ZC3H12B: variants seen among roughly 807,000 people sequenced by gnomAD.
The protein encoded by ZC3H12B is probable ribonuclease ZC3H12B.
In ZC3H12B, 7 loss-of-function variants were observed where a neutral mutation model predicts 43.9. That is an observed-to-expected ratio of 0.16 (90% CI 0.09 to 0.30). The LOEUF is 0.30. Among genes scored for constraint, ZC3H12B ranks in the 10% least tolerant of loss-of-function variants. The pLI, the probability that ZC3H12B is intolerant of heterozygous loss-of-function variation, is 1.00. For missense variants in ZC3H12B, 475 were observed against 670.2 expected, an observed-to-expected ratio of 0.71 and a Z score of 3.22; for synonymous variants, 222 against 241.7, an observed-to-expected ratio of 0.92 and a Z score of 0.76.
chrX:65,117,363 G>C, the ZC3H12B span, among the ~76,000 whole-genome samples: 1 of 111,996 alleles, frequency 8.9e-6, no homozygotes. Context: ...GTCTTCTTTT[G>C]AGAATTGTCT....
At chrX:65,100,880 C>T in the ZC3H12B span, among the ~76,000 whole-genome samples, 1 of 111,549 alleles carries the variant, frequency 9.0e-6, no homozygotes, top group South Asian at 3.8e-4. Context: ...GAACTCAGCT[C>T]TGGACTAAGC....
chrX:65,068,490 G>A, the ZC3H12B span, among the ~76,000 whole-genome samples: 1 of 111,375 alleles, frequency 9.0e-6, no homozygotes, highest in African/African-American at 3.3e-5. Context: ...AAGCAAAAAG[G>A]AAACTAACAA....
At chrX:65,158,876 A>C in the ZC3H12B span, among the ~76,000 whole-genome samples, 1 of 111,686 alleles carries the variant, frequency 9.0e-6, no homozygotes, top group Non-Finnish European at 1.9e-5. Context: ...GTAATGCCTA[A>C]GTTTTCTTCT....
chrX:65,336,174 C>A, the ZC3H12B span, among the ~76,000 whole-genome samples: 8 of 112,514 alleles, frequency 7.1e-5, no homozygotes, highest in Non-Finnish European at 1.1e-4. Flanking sequence ...TAAAACTGTA[C>A]AGAGGAGATA....
chrX:65,045,867 T>C, the ZC3H12B span, among the ~76,000 whole-genome samples: 1 of 112,011 alleles, frequency 8.9e-6, no homozygotes, highest in Non-Finnish European at 1.9e-5. Context: ...AGAAGGGATG[T>C]TATGTTATCA....
chrX:65,421,193 G>A (rs901283460), intron 3 of ZC3H12B, among the ~76,000 whole-genome samples: 13 of 112,548 alleles, frequency 1.2e-4, no homozygotes, highest in African/African-American at 4.2e-4. Flanking sequence ...GTCAGACTGA[G>A]GGAAATAAAT....
the ZC3H12B span, among the ~76,000 whole-genome samples, chrX:65,176,599 C>T: frequency 8.9e-6 from 1 of 111,750 alleles, no homozygotes; most frequent in Non-Finnish European, 1.9e-5. Context: ...GAGGGGATAA[C>T]ACCGCTGATC....
At chrX:65,117,221 GT>G in the ZC3H12B span, among the ~76,000 whole-genome samples, 1 of 111,764 alleles carries the variant, frequency 8.9e-6, no homozygotes, top group Non-Finnish European at 1.9e-5. Flanking sequence ...TCCCGCACCT[GT>G]TGTTTCCTGA....
chrX:65,229,304 A>G, the ZC3H12B span, among the ~76,000 whole-genome samples: 2 of 112,059 alleles, frequency 1.8e-5, no homozygotes, highest in Non-Finnish European at 3.8e-5. Flanking sequence ...GATTTACTAA[A>G]TGGTGCTGGG....
At chrX:65,316,434 A>G in the ZC3H12B span, among the ~76,000 whole-genome samples, 8 of 112,181 alleles carry the variant, frequency 7.1e-5, no homozygotes, top group African/African-American at 2.6e-4. Context: ...AGTTTACAGC[A>G]TTAGGCTAAC....
the ZC3H12B span, among the ~76,000 whole-genome samples, chrX:65,070,188 G>A: frequency 9.0e-6 from 1 of 111,052 alleles, no homozygotes; most frequent in African/African-American, 3.3e-5. Context: ...TATGTGTTCA[G>A]TAATTTATCG....
At chrX:65,082,966 C>T in the ZC3H12B span, among the ~76,000 whole-genome samples, 2 of 109,424 alleles carry the variant, frequency 1.8e-5, no homozygotes, top group African/African-American at 6.6e-5. Flanking sequence ...ACATGTCAAT[C>T]AATGATGTAC....
chrX:65,080,266 C>T, the ZC3H12B span, among the ~76,000 whole-genome samples: 1 of 106,516 alleles, frequency 9.4e-6, no homozygotes, highest in Non-Finnish European at 1.9e-5. Context: ...AGCTATTGAC[C>T]TTAACGAAGA....
chrX:65,070,368 G>A, the ZC3H12B span, among the ~76,000 whole-genome samples: 1 of 109,673 alleles, frequency 9.1e-6, no homozygotes, highest in African/African-American at 3.3e-5. Context: ...GGTCGGTCTA[G>A]TTTTTTCAAC....
At chrX:65,238,626 T>C in the ZC3H12B span, among the ~76,000 whole-genome samples, 132 of 111,976 alleles carry the variant, frequency 1.2e-3, 4 homozygotes, top group East Asian at 0.028. Flanking sequence ...TGTCTTCTGC[T>C]ACCTTTGGGG....
chrX:65,049,602 T>G, the ZC3H12B span, among the ~76,000 whole-genome samples: 1 of 111,420 alleles, frequency 9.0e-6, no homozygotes, highest in African/African-American at 3.3e-5. Flanking sequence ...AATCTTGGAG[T>G]GTGAGGTCTC....
chrX:65,079,503 C>T, the ZC3H12B span, among the ~76,000 whole-genome samples: 1 of 112,421 alleles, frequency 8.9e-6, no homozygotes, highest in Non-Finnish European at 1.9e-5. Flanking sequence ...GTCACTCTAC[C>T]CCCACCTATA....
At chrX:65,228,002 A>T in the ZC3H12B span, among the ~76,000 whole-genome samples, 1 of 111,788 alleles carries the variant, frequency 8.9e-6, no homozygotes, top group Admixed American at 9.5e-5. Flanking sequence ...CAATCAAAAG[A>T]AAAAGAGGGA....
chrX:65,207,225 CAT>C, the ZC3H12B span, among the ~76,000 whole-genome samples: 2 of 104,618 alleles, frequency 1.9e-5, no homozygotes, highest in East Asian at 3.0e-4. Flanking sequence ...TATAGGAGCA[CAT>C]ATATGTGTGT....
Sources: gnomAD v4.1 joint callset for allele counts (sites outside exome capture counted in the v4.1 genomes callset) on GRCh38, gnomAD v4.1.1 for gene constraint, MANE v1.5 for transcripts, NCBI Gene and HGNC (gene_info 2026-07-23, HGNC 2026-07-21) for gene names.